MLIP: variants seen among roughly 807,000 people sequenced by gnomAD.
The protein encoded by MLIP is muscular LMNA interacting protein, also known as muscular LMNA-interacting protein.
MLIP carries 79 observed loss-of-function variants against 84.8 expected under a neutral mutation model. The observed-to-expected ratio is 0.93, with a 90% CI of 0.78 to 1.12. MLIP has a LOEUF of 1.12. Ranked by LOEUF, MLIP falls within the 50% of genes most tolerant of loss-of-function variation. The pLI is 0.00. For synonymous variants in MLIP, 504 were observed against 463.0 expected, an observed-to-expected ratio of 1.09 and a Z score of -1.14; for missense variants, 1,257 against 1,160.6, an observed-to-expected ratio of 1.08 and a Z score of -1.21.
At chr6:54,096,449 G>T (rs982061072) in intron 1 of MLIP, among the ~76,000 whole-genome samples, 2 of 152,096 alleles carry the variant, frequency 1.3e-5, no homozygotes, top group African/African-American at 4.8e-5. Flanking sequence ...TTGGCAGGTA[G>T]CATCCAACTG....
chr6:54,254,290 C>G (rs921283303), intron 12 of MLIP, among the ~76,000 whole-genome samples: 1 of 151,738 alleles, frequency 6.6e-6, no homozygotes, highest in South Asian at 2.1e-4. Flanking sequence ...CCATGCCCAG[C>G]TAATTTTTGT....
At chr6:54,179,290 G>A (rs1190344432) in intron 9 of MLIP, among the ~76,000 whole-genome samples, 1 of 152,054 alleles carries the variant, frequency 6.6e-6, no homozygotes, top group Non-Finnish European at 1.5e-5. Flanking sequence ...CTGTGAGTAT[G>A]TTTATAGGCT....
At chr6:54,157,921 C>T (rs1334468376) in intron 5 of MLIP, among the ~76,000 whole-genome samples, 1 of 152,068 alleles carries the variant, frequency 6.6e-6, no homozygotes, top group East Asian at 1.9e-4. Flanking sequence ...ACCAACCTTC[C>T]AAATTTTGTT....
chr6:54,217,150 T>A (rs906214356), intron 11 of MLIP: 1 of 985,288 alleles, frequency 1.0e-6, no homozygotes, highest in Non-Finnish European at 1.2e-6. Context: ...CCTATGGTAC[T>A]CTGAGTTCAC....
chr6:54,075,247 C>CAAAA (rs35589839), intron 1 of MLIP, among the ~76,000 whole-genome samples: 11 of 93,808 alleles, frequency 1.2e-4, no homozygotes, highest in African/African-American at 2.0e-4. Context: ...AACTCCGTCT[C>CAAAA]AAAAAAAAAA....
upstream of MLIP, chr6:54,111,307 C>G (rs1769441911): frequency 5.5e-5 from 64 of 1,168,004 alleles, no homozygotes; most frequent in East Asian, 1.8e-3. Context: ...TAAAAATTGT[C>G]AAAACAGAAA....
At chr6:54,217,961 G>T (rs1779963812) in intron 11 of MLIP, 2 of 985,442 alleles carry the variant, frequency 2.0e-6, no homozygotes, top group Non-Finnish European at 2.4e-6. Context: ...TAGGGCACAA[G>T]TTAGACGTGA....
chr6:54,086,106 T>A (rs1480937956), intron 1 of MLIP, among the ~76,000 whole-genome samples: 1 of 152,176 alleles, frequency 6.6e-6, no homozygotes, highest in African/African-American at 2.4e-5. Flanking sequence ...TCAGTCTTCA[T>A]CCTCCTCACA....
At chr6:54,192,740 T>C (rs1466234391) in intron 10 of MLIP, among the ~76,000 whole-genome samples, 1 of 152,102 alleles carries the variant, frequency 6.6e-6, no homozygotes, top group East Asian at 1.9e-4. Context: ...TATGTATGGA[T>C]GTATAACGCA....
intron 10 of MLIP, among the ~76,000 whole-genome samples, chr6:54,192,950 T>C (rs1778048403): frequency 6.6e-6 from 1 of 152,228 alleles, no homozygotes; most frequent in South Asian, 2.1e-4. Flanking sequence ...AAATTGCTTT[T>C]GAGATTTAAC....
At chr6:54,246,810 A>G (rs1172920257) in intron 12 of MLIP, among the ~76,000 whole-genome samples, 1 of 152,098 alleles carries the variant, frequency 6.6e-6, no homozygotes, top group African/African-American at 2.4e-5. Context: ...TTCTTCTAGT[A>G]AGACAAGTCC....
Position 54,137,203 on chromosome 6 carries a change from A to G in MLIP, c.1134A>G (p.Lys378=), listed in dbSNP as rs1340751914. Residue 378 remains lysine, a synonymous_variant, in exon 4 of 14, where the codon AAA becomes AAG. Transcript: ENST00000502396. ...CGCATTCACTCTCTCCGAGCCCCAA[A>G]CCATTTACCTCCTCTTTCCACGGCT... is the stretch of plus-strand genomic sequence containing the variant. ...IVTHSLSPSP[K]PFTSSFHGSS... 30 of 1,535,668 alleles carry G rather than the reference A, an allele frequency of 2.0e-5. No homozygotes were observed. The highest frequency in any genetic ancestry group is 2.5e-5 in the Non-Finnish European group (29 of 1,146,850).
At chr6:54,248,114 A>G (rs1782212493) in intron 12 of MLIP, among the ~76,000 whole-genome samples, 1 of 152,086 alleles carries the variant, frequency 6.6e-6, no homozygotes, top group Non-Finnish European at 1.5e-5. Context: ...TTTATATTCT[A>G]TTTTATGTCA....
chr6:54,262,529 TC>T (rs1444496596), intron 13 of MLIP, among the ~76,000 whole-genome samples: 1 of 152,042 alleles, frequency 6.6e-6, no homozygotes, highest in Non-Finnish European at 1.5e-5. Context: ...AGTAAACTTC[TC>T]ATATCTTTAG....
intron 1 of MLIP, among the ~76,000 whole-genome samples, chr6:54,055,687 CAT>C (rs776359567): frequency 1.9e-4 from 29 of 152,062 alleles, no homozygotes; most frequent in Non-Finnish European, 3.5e-4. Flanking sequence ...ACATGGAACA[CAT>C]AATAAATATG....
chr6:54,066,775 A>T (rs1429263135), intron 1 of MLIP, among the ~76,000 whole-genome samples: 1 of 99,460 alleles, frequency 1.0e-5, no homozygotes, highest in African/African-American at 2.6e-5. Flanking sequence ...AGCTACAGGG[A>T]TATATAAGCC....
chr6:54,054,930 C>T (rs1046947642), intron 1 of MLIP, among the ~76,000 whole-genome samples: 7 of 152,030 alleles, frequency 4.6e-5, no homozygotes, highest in African/African-American at 1.7e-4. Flanking sequence ...CTCTGTCGCC[C>T]AGGCTGGAGT....
Position 54,066,894 on chromosome 6 carries a change from G to A in MLIP, c.63+47803G>A, listed in dbSNP as rs374976946. Among the ~76,000 whole-genome samples the A allele has an allele frequency of 2.3e-4, 23 of 98,876 alleles. 5 individuals are homozygous for A. The highest frequency in any genetic ancestry group is 5.4e-4 in the African/African-American group (21 of 38,848). 64.9% of individuals were successfully genotyped at this position (98,876 alleles called of 152,430 possible). A position where few individuals can be genotyped will look rare whatever the true frequency, so the allele number is the denominator to read the frequency against. On this transcript the variant is annotated intron_variant, in intron 1 of 12. Transcript: ENST00000274897. Reference sequence around the variant, plus strand: ...GATGTTTTATCCAAAAAAAATGGGAGTCAATTAAAAAAAGAGATTACTTTG... The same window carrying A: ...GATGTTTTATCCAAAAAAAATGGGAATCAATTAAAAAAAGAGATTACTTTG...
intron 1 of MLIP, chr6:54,031,383 A>G (rs1764126390): frequency 6.6e-6 from 1 of 152,094 alleles, no homozygotes; most frequent in Non-Finnish European, 1.5e-5. Context: ...TGCCTGTACC[A>G]CCTTGGCTAC....
Sources: allele counts gnomAD v4.1 joint callset (sites outside exome capture counted in the v4.1 genomes callset), GRCh38; gene constraint gnomAD v4.1.1; transcripts MANE v1.5; gene names NCBI Gene and HGNC (gene_info 2026-07-23, HGNC 2026-07-21).